ANKRD46: variants seen among roughly 807,000 people sequenced by gnomAD.
The protein encoded by ANKRD46 is ankyrin repeat domain-containing protein 46.
ANKRD46 carries 13 observed loss-of-function variants against 19.8 expected under a neutral mutation model. That is an observed-to-expected ratio of 0.66 (90% CI 0.43 to 1.04). ANKRD46 has a LOEUF of 1.04. Among genes scored for constraint, ANKRD46 ranks in the 50% least tolerant of loss-of-function variants. The probability of loss-of-function intolerance (pLI) is 0.00; values close to 1 mark genes in which losing one functional copy is unlikely to be tolerated. For synonymous variants in ANKRD46, 91 were observed against 106.9 expected, an observed-to-expected ratio of 0.85 and a Z score of 0.92; for missense variants, 185 against 274.8, an observed-to-expected ratio of 0.67 and a Z score of 2.31.
chr8:100,537,836 A>C lies in ANKRD46; in HGVS notation c.-130-4525T>G, dbSNP rs999085878. On this transcript the variant is annotated intron_variant, in intron 1 of 4. Coordinates refer to ENST00000335659, the MANE Select transcript of ANKRD46 (RefSeq NM_001270377.2). This position sits in a 1 kb window ranked among gnomAD's most constrained non-coding sequence, Gnocchi z 4.2. Reference sequence around the variant, plus strand: ...CTCTAATAGAGTGATCTTAATTCCCAAGGCCCACAGACATTGAGTCTAGGG... The same window carrying C: ...CTCTAATAGAGTGATCTTAATTCCCCAGGCCCACAGACATTGAGTCTAGGG... Among the ~76,000 whole-genome samples, 2 of 152,210 alleles carry C rather than the reference A, an allele frequency of 1.3e-5. No individual in the cohort carries two copies. The highest frequency in any genetic ancestry group is 2.9e-5 in the Non-Finnish European group (2 of 68,030).
chr8:100,522,653 G>A lies in ANKRD46; in HGVS notation c.589C>T (p.Leu197=). 6.2e-7 allele frequency: 1 copy of A among 1,614,042 alleles called. No homozygotes were observed. The highest frequency in any genetic ancestry group is 8.5e-7 in the Non-Finnish European group (1 of 1,180,014). ...AGCAAAGCAATGACGAAGATCAACA[G>A]CAATACTCTCCAGAAGCCCAGATCC... ...VEDLGFWRVL[L]LIFVIALLSL... The change falls in exon 5 of 5, where the codon CTG becomes TTG. Residue 197 remains leucine (L), a synonymous_variant. Coordinates refer to ENST00000335659, the MANE Select transcript of ANKRD46 (RefSeq NM_001270377.2).
intron 1 of ANKRD46, chr8:100,556,782 T>C (rs2130714975): frequency 6.6e-6 from 1 of 152,366 alleles, no homozygotes; most frequent in South Asian, 2.1e-4. Flanking sequence ...AGTTGGTCAC[T>C]TTCTCCCTGA....
In ANKRD46 at chr8:100,537,165, G is replaced by A. The variant is rs1812080841; in HGVS notation, c.-130-3854C>T. Among the ~76,000 whole-genome samples the A allele has an allele frequency of 6.6e-6, 1 of 152,082 alleles. No individual in the cohort carries two copies. The highest frequency in any genetic ancestry group is 1.5e-5 in the Non-Finnish European group (1 of 68,026). ...GTATTCTTAATGGTTAAGGACTAAT[G>A]GAGAGAATATATATACTTATAACTA... On this transcript the variant is annotated intron_variant, in intron 1 of 4. Coordinates refer to ENST00000335659, the MANE Select transcript of ANKRD46 (RefSeq NM_001270377.2). This position sits in a 1 kb window ranked among gnomAD's most constrained non-coding sequence, Gnocchi z 4.2.
intron 1 of ANKRD46, among the ~76,000 whole-genome samples, chr8:100,552,149 TAAAA>T (rs75161004): frequency 1.7e-5 from 2 of 120,512 alleles, no homozygotes; most frequent in Non-Finnish European, 1.8e-5. Flanking sequence ...GACTCTGTCT[TAAAA>T]AAAAAAAAAA....
chr8:100,539,440 G>A (rs577020120), intron 1 of ANKRD46, among the ~76,000 whole-genome samples: 2 of 152,336 alleles, frequency 1.3e-5, no homozygotes, highest in Admixed American at 1.3e-4. Context: ...GAAAGAAGGA[G>A]TTTATAAGCA....
intron 5 of ANKRD46, among the ~76,000 whole-genome samples, chr8:100,514,248 G>A (rs906138373): frequency 6.6e-6 from 1 of 152,134 alleles, no homozygotes; most frequent in African/African-American, 2.4e-5. Context: ...CCATAAAATT[G>A]TAAATGTACA....
In ANKRD46 at chr8:100,510,416, G is replaced by T; in HGVS notation, c.*161C>A. The T allele has an allele frequency of 1.7e-6, 1 of 592,250 alleles. No individual in the cohort carries two copies. The highest frequency in any genetic ancestry group is 2.8e-6 in the Non-Finnish European group (1 of 362,594). The allele number at this position is 592,250 out of a possible 1,614,324, so 36.7% of individuals were successfully genotyped here. ...GGGCAGGACTGGAGAGGAGGGGACA[G>T]GTGGTAGCAGGTCCCTCTGCCTCCT... On this transcript the variant is annotated 3_prime_UTR_variant, in exon 6 of 6. Transcript: ENST00000520552. This position sits in a 1 kb window ranked among gnomAD's most constrained non-coding sequence, Gnocchi z 4.9.
At chr8:100,512,928 T>C (rs1036239257) in intron 5 of ANKRD46, among the ~76,000 whole-genome samples, 1 of 152,188 alleles carries the variant, frequency 6.6e-6, no homozygotes, top group Non-Finnish European at 1.5e-5. Flanking sequence ...GGCATTTTCC[T>C]TCTCCCATTA....
chr8:100,511,620 A>T lies in ANKRD46; in HGVS notation c.637-981T>A, dbSNP rs1811549092. Among the ~76,000 whole-genome samples the T allele has an allele frequency of 6.6e-6, 1 of 152,252 alleles. No individual in the cohort carries two copies. Among genetic ancestry groups the T allele is most frequent in the South Asian group, 2.1e-4 (1 of 4,836 alleles). On this transcript the variant is annotated intron_variant, in intron 5 of 5. Coordinates refer to the ANKRD46 transcript ENST00000520552. The surrounding 1 kb of genome is among the most constrained non-coding windows in gnomAD (Gnocchi z 4.1). ...TATTTTAAAAGGTTGACATTGAAAT[A>T]AGTTGACTGTCTGTATTTATTCCAT... is the stretch of plus-strand genomic sequence containing the variant.
chr8:100,544,956 CAT>C lies in ANKRD46; in HGVS notation c.-130-11647_-130-11646del, dbSNP rs779572434. On this transcript the variant is annotated intron_variant, in intron 1 of 4. Coordinates refer to ENST00000335659, the MANE Select transcript of ANKRD46 (RefSeq NM_001270377.2). This position sits in a 1 kb window ranked among gnomAD's most constrained non-coding sequence, Gnocchi z 4.4. The stretch of plus-strand genomic sequence containing the variant: ...ATAATAACAGTATTGTACACTGGCA[CAT>C]GAGTATGTACATAGGGCAGATCAAC... 3.3e-5 allele frequency among the ~76,000 whole-genome samples: 5 copies of C among 152,082 alleles called. No homozygotes were observed. Among genetic ancestry groups the C allele is most frequent in the Non-Finnish European group, 5.9e-5 (4 of 68,026 alleles).
At chr8:100,551,374 C>T (rs1202760443) in intron 1 of ANKRD46, 1 of 592,144 alleles carries the variant, frequency 1.7e-6, no homozygotes, top group Non-Finnish European at 3.2e-6. Flanking sequence ...CTTTTGGCTC[C>T]CCCATTAAGT....
At chr8:100,552,167 A>AAG (rs1487220137) in intron 1 of ANKRD46, among the ~76,000 whole-genome samples, 3 of 151,746 alleles carry the variant, frequency 2.0e-5, no homozygotes, top group Admixed American at 2.0e-4. Context: ...AAAAAAAAAA[A>AAG]AAAGAAATGT....
At chr8:100,513,567 G>C (rs1288610109) in intron 5 of ANKRD46, among the ~76,000 whole-genome samples, 3 of 152,168 alleles carry the variant, frequency 2.0e-5, no homozygotes, top group Non-Finnish European at 4.4e-5. Flanking sequence ...GTGTTTTCTT[G>C]TATAACCACA....
At chr8:100,516,966 C>A (rs1202209364), downstream of ANKRD46, among the ~76,000 whole-genome samples, 2 of 152,212 alleles carry the variant, frequency 1.3e-5, no homozygotes, top group Non-Finnish European at 2.9e-5. Flanking sequence ...CGGTCCCATA[C>A]TGCCTGAGTT....
chr8:100,522,904 CATATATATATAT>C (rs59062296), intron 4 of ANKRD46, 133 bp from the exon 5 acceptor site: 7 of 305,724 alleles, frequency 2.3e-5, no homozygotes, highest in South Asian at 1.2e-4. Context: ...CACACACACA[CATATATATATAT>C]ACACACTCTT....
rs557077228 is a variant in ANKRD46 at position 100,546,540 on chromosome 8, C to T, written c.-131+13171G>A. On this transcript the variant is annotated intron_variant, in intron 1 of 4. Transcript: ENST00000335659. The surrounding 1 kb of genome is among the most constrained non-coding windows in gnomAD (Gnocchi z 4.0). ...AGGACATATGGAAATTCCTGGATGT[C>T]CAGACAGAAGTCTGCTACAGGGGCA... 6.6e-6 allele frequency among the ~76,000 whole-genome samples: 1 copy of T among 152,222 alleles called. No homozygotes were observed. Among genetic ancestry groups the T allele is most frequent in the African/African-American group, 2.4e-5 (1 of 41,446 alleles).
At chr8:100,528,822 A>G (rs1409125539) in intron 3 of ANKRD46, among the ~76,000 whole-genome samples, 2 of 152,164 alleles carry the variant, frequency 1.3e-5, no homozygotes, top group East Asian at 3.8e-4. Flanking sequence ...TATGGCATCA[A>G]TAAATTAGGG....
At chr8:100,517,693 T>C (rs916249145), downstream of ANKRD46, among the ~76,000 whole-genome samples, 3 of 152,200 alleles carry the variant, frequency 2.0e-5, no homozygotes. Context: ...TAGAAAATTG[T>C]TTTGAATCTA....
At position 100,543,746 on chromosome 8, in the gene ANKRD46, CAAATT is replaced by C. The variant is rs1363446781; in HGVS notation, c.-130-10440_-130-10436del. 1.3e-5 allele frequency among the ~76,000 whole-genome samples: 2 copies of C among 152,028 alleles called. No homozygotes were observed. Among genetic ancestry groups the C allele is most frequent in the African/African-American group, 2.4e-5 (1 of 41,398 alleles). On this transcript the variant is annotated intron_variant, in intron 1 of 4. Transcript: ENST00000335659. The surrounding 1 kb of genome is among the most constrained non-coding windows in gnomAD (Gnocchi z 4.2). The stretch of plus-strand genomic sequence containing the variant: ...AAGTATAAGAAAAGACACACAAAAA[CAAATT>C]AAAGGCAAACTTTCAGGTTTATGGT...
Sources: gnomAD v4.1 joint callset for allele counts (sites outside exome capture counted in the v4.1 genomes callset) on GRCh38, gnomAD v4.1.1 for gene constraint, Gnocchi (gnomAD v3.1) non-coding constraint, MANE v1.5 for transcripts, NCBI Gene and HGNC (gene_info 2026-07-23, HGNC 2026-07-21) for gene names.